Variants in ZDHHC14 observed in about 807,000 individuals in gnomAD.
ZDHHC14 encodes the protein zDHHC palmitoyltransferase 14.
ZDHHC14 carries 16 observed loss-of-function variants against 47.7 expected under a neutral mutation model. The observed-to-expected ratio is 0.34, with a 90% CI of 0.23 to 0.51. The LOEUF (loss-of-function observed/expected upper bound fraction) is 0.51. ZDHHC14 is among the 20% of genes least tolerant of loss of function. The pLI is 0.97. For synonymous variants in ZDHHC14, 293 were observed against 278.9 expected (o/e 1.05, Z -0.50); for missense variants, 515 against 662.5 (o/e 0.78, Z 2.44).
chr6:157,668,850 A>G (rs937349562), intron 8 of ZDHHC14, among the ~76,000 whole-genome samples: 1 of 152,250 alleles, frequency 6.6e-6, no homozygotes, highest in Non-Finnish European at 1.5e-5. Flanking sequence ...AGGCCCACAC[A>G]GTGTTTGCTA....
Position 157,674,198 on chromosome 6 carries a change from G to A in ZDHHC14, c.*1076G>A, listed in dbSNP as rs1446567792. ...GTTTGCAGTTTGCCGTGCAACAGTT[G>A]ATCGGAAGTAGGGAGAGGGGAGGGG... On this transcript the variant is annotated 3_prime_UTR_variant, in exon 9 of 9. Coordinates refer to ENST00000359775, the MANE Select transcript of ZDHHC14 (RefSeq NM_024630.3). The A allele has an allele frequency of 6.6e-6, 1 of 152,182 alleles. No homozygotes were observed. Among genetic ancestry groups the A allele is most frequent in the Non-Finnish European group, 1.5e-5 (1 of 68,046 alleles). The allele number at this position is 152,182 out of a possible 1,614,324, so 9.4% of individuals were successfully genotyped here.
At chr6:157,540,910 G>GTGTATATATATATA (rs1284429244) in intron 1 of ZDHHC14, among the ~76,000 whole-genome samples, 1 of 122,990 alleles carries the variant, frequency 8.1e-6, no homozygotes, top group African/African-American at 4.3e-5. Context: ...GTGTGTGTGT[G>GTGTATATATATATA]TATATATATA....
At chr6:157,537,817 G>A (rs752174214) in intron 1 of ZDHHC14, among the ~76,000 whole-genome samples, 40 of 152,126 alleles carry the variant, frequency 2.6e-4, no homozygotes, top group Non-Finnish European at 5.3e-4. Context: ...ATCTGAGCTC[G>A]GACTAAGAAT....
chr6:157,583,600 G>A (rs185309154), intron 2 of ZDHHC14, among the ~76,000 whole-genome samples: 12 of 152,160 alleles, frequency 7.9e-5, no homozygotes, highest in East Asian at 1.9e-4. Flanking sequence ...GCACTTAAAC[G>A]TAAGGGCCAG....
At chr6:157,545,484 G>T (rs1781934897) in intron 2 of ZDHHC14, among the ~76,000 whole-genome samples, 1 of 152,004 alleles carries the variant, frequency 6.6e-6, no homozygotes, top group South Asian at 2.1e-4. Flanking sequence ...AGATCATCCT[G>T]GCTAACACAG....
intron 1 of ZDHHC14, among the ~76,000 whole-genome samples, chr6:157,517,620 C>G (rs915519292): frequency 1.3e-5 from 2 of 152,148 alleles, no homozygotes; most frequent in African/African-American, 4.8e-5. Context: ...CTTAAAGTAT[C>G]TCTTAAGCCG....
intron 1 of ZDHHC14, among the ~76,000 whole-genome samples, chr6:157,528,908 G>C (rs1582892478): frequency 6.6e-6 from 1 of 150,882 alleles, no homozygotes; most frequent in East Asian, 2.0e-4. Flanking sequence ...CTGGGGGTGG[G>C]AGTGGGCATT....
At chr6:157,421,104 G>A (rs776972761) in intron 1 of ZDHHC14, among the ~76,000 whole-genome samples, 3 of 152,070 alleles carry the variant, frequency 2.0e-5, no homozygotes, top group East Asian at 1.9e-4. Context: ...AAAGGGCACT[G>A]TAAATAAAGA....
At chr6:157,568,219 G>A (rs1043851711) in intron 2 of ZDHHC14, among the ~76,000 whole-genome samples, 10 of 152,066 alleles carry the variant, frequency 6.6e-5, no homozygotes, top group African/African-American at 1.7e-4. Context: ...TTTCAAAAGC[G>A]ATAGTTTTTT....
At chr6:157,444,266 A>C (rs1161610444) in intron 1 of ZDHHC14, among the ~76,000 whole-genome samples, 5 of 152,240 alleles carry the variant, frequency 3.3e-5, no homozygotes, top group Non-Finnish European at 5.9e-5. Context: ...CCCAGGGTAC[A>C]CATTGCAGTC....
intron 3 of ZDHHC14, among the ~76,000 whole-genome samples, chr6:157,610,170 C>A (rs185776754): frequency 6.6e-6 from 1 of 152,200 alleles, no homozygotes; most frequent in Non-Finnish European, 1.5e-5. Flanking sequence ...CTGGGCTGGG[C>A]GCAGTGGCTC....
intron 3 of ZDHHC14, among the ~76,000 whole-genome samples, chr6:157,617,325 C>T (rs1433027475): frequency 2.0e-5 from 3 of 152,146 alleles, no homozygotes; most frequent in African/African-American, 2.4e-5. Context: ...AACGAGGTTG[C>T]GTCTTCAGTT....
intron 1 of ZDHHC14, among the ~76,000 whole-genome samples, chr6:157,533,812 C>T (rs978113325): frequency 3.3e-5 from 5 of 152,224 alleles, no homozygotes; most frequent in African/African-American, 1.2e-4. Context: ...GCCTCAGGCT[C>T]TAAATGTGGA....
At chr6:157,574,835 T>C (rs1562488294) in intron 2 of ZDHHC14, among the ~76,000 whole-genome samples, 1 of 152,358 alleles carries the variant, frequency 6.6e-6, no homozygotes, top group East Asian at 1.9e-4. Context: ...GATTTGTCTT[T>C]GATACTGCAG....
chr6:157,482,631 A>G (rs140251253), intron 1 of ZDHHC14, among the ~76,000 whole-genome samples: 8,999 of 152,226 alleles, frequency 0.059, 907 homozygotes, highest in African/African-American at 0.21. Context: ...CTGTCTTCAC[A>G]GCCTGTCCAG....
At chr6:157,408,684 C>T (rs1262932591) in intron 1 of ZDHHC14, among the ~76,000 whole-genome samples, 2 of 152,206 alleles carry the variant, frequency 1.3e-5, no homozygotes, top group East Asian at 3.8e-4. Flanking sequence ...ATATGTACCA[C>T]ATTTTCTTTA....
At chr6:157,514,563 G>A (rs1027520610) in intron 1 of ZDHHC14, among the ~76,000 whole-genome samples, 1 of 152,228 alleles carries the variant, frequency 6.6e-6, no homozygotes, top group African/African-American at 2.4e-5. Flanking sequence ...CCCCAATCTA[G>A]TACTTCAGTT....
Position 157,653,506 on chromosome 6 carries a change from GT to G in ZDHHC14, c.966-15del, listed in dbSNP as rs1562530996. ...TTTTTATTCACTCTCTTCCTGCTGT[GT>G]TTTCTTTTCTCTCGCAGCCTGATCG... On this transcript the variant is annotated intron_variant, in intron 7 of 8. Transcript: ENST00000359775. 1 of 1,612,788 alleles carries G rather than the reference GT, an allele frequency of 6.2e-7. No individual in the cohort carries two copies. Among genetic ancestry groups the G allele is most frequent in the Non-Finnish European group, 8.5e-7 (1 of 1,179,668 alleles).
At chr6:157,528,353 A>C (rs1781232663) in intron 1 of ZDHHC14, among the ~76,000 whole-genome samples, 1 of 152,220 alleles carries the variant, frequency 6.6e-6, no homozygotes, top group South Asian at 2.1e-4. Flanking sequence ...AAATGATATG[A>C]AAGTTTAACC....
Sources: gnomAD v4.1 joint callset for allele counts (sites outside exome capture counted in the v4.1 genomes callset) on GRCh38, gnomAD v4.1.1 for gene constraint, MANE v1.5 for transcripts, NCBI Gene and HGNC (gene_info 2026-07-23, HGNC 2026-07-21) for gene names.